BRD3: variants seen among roughly 807,000 people sequenced by gnomAD.
The protein encoded by BRD3 is bromodomain-containing protein 3.
Under a neutral mutation model 66.8 loss-of-function variants are expected in BRD3, and 17 were observed. The ratio of observed to expected loss-of-function variants is 0.25; its 90% confidence interval spans 0.17 to 0.38. The LOEUF is 0.38. Among genes scored for constraint, BRD3 ranks in the 10% least tolerant of loss-of-function variants. BRD3 has a pLI of 1.00. For missense variants in BRD3, 713 were observed against 956.1 expected, an observed-to-expected ratio of 0.75 and a Z score of 3.35; for synonymous variants, 421 against 393.2, an observed-to-expected ratio of 1.07 and a Z score of -0.84.
chr9:134,038,485 C>T (rs1829975680), intron 9 of BRD3, among the ~76,000 whole-genome samples: 1 of 152,068 alleles, frequency 6.6e-6, no homozygotes, highest in Admixed American at 6.6e-5. Context: ...AGATTGAGAC[C>T]ACTATGGGCA....
intron 7 of BRD3, among the ~76,000 whole-genome samples, chr9:134,044,113 G>C (rs1830117043): frequency 6.6e-6 from 1 of 152,220 alleles, no homozygotes; most frequent in South Asian, 2.1e-4. Context: ...CCTTTGCAAG[G>C]TCTTTTGGGT....
In BRD3 at chr9:134,042,728, T is replaced by C. The variant is rs1194576032; in HGVS notation, c.1216-777A>G. 2.0e-5 allele frequency among the ~76,000 whole-genome samples: 3 copies of C among 149,570 alleles called. No individual in the cohort carries two copies. The East Asian group carries it at 5.9e-4, about 29-fold the overall frequency. On this transcript the variant is annotated intron_variant, in intron 7 of 11. Transcript: ENST00000303407. ...ATATATATACACATATATACACATA[T>C]ATATACACACATATATACACATATA...
rs201729375 is a variant in BRD3, at chr9:134,041,822, C to T, written c.1345G>A (p.Asp449Asn). Residue 449 changes from aspartate (D) to asparagine (N), a missense_variant, in exon 8 of 12, where the codon GAC becomes AAC. This residue lies in a region of BRD3 where 418 missense variants were observed against 609.3 expected (regional missense o/e 0.69). Coordinates refer to ENST00000303407, the MANE Select transcript of BRD3 (RefSeq NM_007371.4). ...SSRSSEESSS[D>N]SGSSDSEEER... The stretch of plus-strand genomic sequence containing the variant: ...TCCTCCGAGTCCGAGCTGCCTGAGT[C>T]CGAAGAGCTCTCCTCACTGCTACGG... 7.4e-6 allele frequency: 12 copies of T among 1,613,010 alleles called. No individual in the cohort carries two copies. Among genetic ancestry groups the T allele is most frequent in the Non-Finnish European group, 9.3e-6 (11 of 1,179,866 alleles).
chr9:134,042,216 GA>G, intron 7 of BRD3, among the ~76,000 whole-genome samples: 1 of 152,236 alleles, frequency 6.6e-6, no homozygotes, highest in Non-Finnish European at 1.5e-5. Flanking sequence ...GCAACTCCAT[GA>G]GCCCTCTCTA....
At chr9:134,050,644 G>T in intron 4 of BRD3, 56 bp from the exon 5 acceptor site, 1 of 1,433,180 alleles carries the variant, frequency 7.0e-7, no homozygotes, top group Non-Finnish European at 9.6e-7. Context: ...ATTTCCAGAA[G>T]CTTCCAGTGC....
At chr9:134,046,978 GAC>G (rs1275473641) in intron 6 of BRD3, among the ~76,000 whole-genome samples, 1 of 152,226 alleles carries the variant, frequency 6.6e-6, no homozygotes, top group Non-Finnish European at 1.5e-5. Context: ...CTATGGTAGA[GAC>G]ACACAAACCC....
chr9:134,065,965 G>A (rs1830642161), intron 1 of BRD3, among the ~76,000 whole-genome samples: 1 of 152,196 alleles, frequency 6.6e-6, no homozygotes, highest in Non-Finnish European at 1.5e-5. Flanking sequence ...GGAGTGTAGG[G>A]CAGGCACTGT....
At chr9:134,035,338 A>G (rs1358448464) in intron 10 of BRD3, among the ~76,000 whole-genome samples, 1 of 152,162 alleles carries the variant, frequency 6.6e-6, no homozygotes, top group African/African-American at 2.4e-5. Flanking sequence ...GAAAAGGAGC[A>G]AGTGAGGCCC....
chr9:134,045,262 G>A lies in BRD3; in HGVS notation c.1215+31C>T, dbSNP rs1358712004. Reference sequence around the variant, plus strand: ...CAGGATGCCCACAGCACTGAGCTGAGCAGCCCCACCCGTGCCCAGCCTCGG... The same window carrying A: ...CAGGATGCCCACAGCACTGAGCTGAACAGCCCCACCCGTGCCCAGCCTCGG... On this transcript the variant is annotated intron_variant, in intron 7 of 11. Transcript: ENST00000303407. This position sits in a 1 kb window ranked among gnomAD's most constrained non-coding sequence, Gnocchi z 4.8. The A allele has an allele frequency of 1.2e-6, 2 of 1,612,192 alleles. No homozygotes were observed. Among genetic ancestry groups the A allele is most frequent in the South Asian group, 1.1e-5 (1 of 91,036 alleles).
chr9:134,051,885 T>A (rs1202050749), intron 3 of BRD3, among the ~76,000 whole-genome samples, 176 bp from the exon 4 acceptor site: 39 of 53,188 alleles, frequency 7.3e-4, no homozygotes, highest in African/African-American at 3.4e-3. Context: ...GTGTTGTTTT[T>A]TTTGTTTTTT....
At chr9:134,053,914 T>C (rs1301990151) in intron 1 of BRD3, 1 of 194,230 alleles carries the variant, frequency 5.1e-6, no homozygotes, top group Non-Finnish European at 1.1e-5. Context: ...GCCAAGGGAC[T>C]CAGCCACTGG....
At chr9:134,065,056 G>A (rs915771742) in intron 1 of BRD3, among the ~76,000 whole-genome samples, 12 of 152,198 alleles carry the variant, frequency 7.9e-5, no homozygotes, top group African/African-American at 2.7e-4. Flanking sequence ...AACCTTTTAC[G>A]GCAAGAAGCC....
rs1829907543 is a variant in BRD3 at position 134,036,183 on chromosome 9, T to A, written c.1785A>T (p.Val595=). 6.2e-7 allele frequency: 1 copy of A among 1,613,746 alleles called. No individual in the cohort carries two copies. The highest frequency in any genetic ancestry group is 2.2e-5 in the East Asian group (1 of 44,870). ...GCTCCCGAGATTGGATGATGTGCAC[T>A]ACCCGGCCCAGCTTCTCCCCGGGCA... is the stretch of plus-strand genomic sequence containing the variant. ...NRLPGEKLGR[V]VHIIQSREPS... Residue 595 remains valine, a synonymous_variant, in exon 10 of 12, where the codon GTA becomes GTT. Coordinates refer to ENST00000303407, the MANE Select transcript of BRD3 (RefSeq NM_007371.4).
chr9:134,063,781 A>C (rs1216489531), intron 1 of BRD3, among the ~76,000 whole-genome samples: 3 of 152,190 alleles, frequency 2.0e-5, no homozygotes, highest in Non-Finnish European at 2.9e-5. Context: ...ATCACACCCG[A>C]GTCCACTGGG....
chr9:134,068,264 C>A (rs1271958775), upstream of BRD3: 1 of 146,860 alleles, frequency 6.8e-6, no homozygotes, highest in Non-Finnish European at 1.5e-5. Context: ...GCCCGCCCGG[C>A]AGGGCAACAA....
intron 4 of BRD3, 121 bp downstream of exon 4, chr9:134,051,441 C>T (rs1830293119): frequency 9.2e-7 from 1 of 1,092,468 alleles, no homozygotes; most frequent in Non-Finnish European, 1.2e-6. Flanking sequence ...GACCCGGCAC[C>T]CACGAGCTCG....
At chr9:134,038,458 C>T (rs1054117248) in intron 9 of BRD3, among the ~76,000 whole-genome samples, 2 of 152,156 alleles carry the variant, frequency 1.3e-5, no homozygotes, top group African/African-American at 2.4e-5. Context: ...TCCCAACCAA[C>T]ACTTTTTTTT....
rs2520099 is a variant in BRD3 at position 134,053,017 on chromosome 9, T to C, written c.213+248A>G. ...ACTCCTAAGCCCCATCACCACCCAC[T>C]CGCTTTCCTCCCGGACACGCGTGGC... On this transcript the variant is annotated intron_variant, in intron 2 of 11. Transcript: ENST00000303407. Among the ~76,000 whole-genome samples, 54,843 of 151,856 alleles carry C rather than the reference T, an allele frequency of 0.36. 10,408 individuals carry two copies. The highest frequency in any genetic ancestry group is 0.63 in the East Asian group (3,205 of 5,122).
intron 9 of BRD3, among the ~76,000 whole-genome samples, chr9:134,036,961 A>G (rs1159295029): frequency 1.3e-5 from 2 of 152,156 alleles, no homozygotes; most frequent in Non-Finnish European, 2.9e-5. Context: ...CAGTGAGCCA[A>G]GATCTTGTCC....
Sources: gnomAD v4.1 joint callset for allele counts (sites outside exome capture counted in the v4.1 genomes callset) on GRCh38, gnomAD v4.1.1 for gene constraint, gnomAD v4.1.1 regional missense constraint, Gnocchi (gnomAD v3.1) non-coding constraint, MANE v1.5 for transcripts, NCBI Gene and HGNC (gene_info 2026-07-23, HGNC 2026-07-21) for gene names.